Variants in DMPK observed in about 807,000 individuals in gnomAD.
DMPK encodes DM1 protein kinase, also known as myotonin-protein kinase.
In DMPK, 32 loss-of-function variants were observed where a neutral mutation model predicts 70.3. That is an observed-to-expected ratio of 0.46 (90% CI 0.34 to 0.61). DMPK has a LOEUF of 0.61. Among genes scored for constraint, DMPK ranks in the 20% least tolerant of loss-of-function variants. The pLI is 0.01. For synonymous variants in DMPK, 469 were observed against 390.9 expected (o/e 1.20, Z -2.36); for missense variants, 899 against 886.0 (o/e 1.01, Z -0.19).
rs566079768 is a variant in DMPK, at chr19:45,777,946, C to G, written c.676-73G>C. 2 of 1,432,756 alleles carry G rather than the reference C, an allele frequency of 1.4e-6. No individual in the cohort carries two copies. Among genetic ancestry groups the G allele is most frequent in the African/African-American group, 2.8e-5 (2 of 70,946 alleles). 88.8% of individuals were successfully genotyped at this position (1,432,756 alleles called of 1,614,324 possible). A position where few individuals can be genotyped will look rare whatever the true frequency, so the allele number is the denominator to read the frequency against. ...CACCAGCTCTGGGCCCTCCTTCCAACCACTCCCCAAATGCTTAGCCCCTCC... is the reference window on the plus strand; with the variant it reads ...CACCAGCTCTGGGCCCTCCTTCCAAGCACTCCCCAAATGCTTAGCCCCTCC... On this transcript the variant is annotated intron_variant, in intron 6 of 14. Transcript: ENST00000291270. This position sits in a 1 kb window ranked among gnomAD's most constrained non-coding sequence, Gnocchi z 6.7.
chr19:45,771,251 T>C (rs755826884), intron 13 of DMPK, 99 bp downstream of exon 13: 6 of 1,476,860 alleles, frequency 4.1e-6, no homozygotes, highest in Non-Finnish European at 5.5e-6. Flanking sequence ...CGCAAAGACG[T>C]AGGGTGAGCC....
At chr19:45,770,684 T>C in intron 14 of DMPK, 44 bp from the exon 15 acceptor site, 1 of 1,541,546 alleles carries the variant, frequency 6.5e-7, no homozygotes, top group Non-Finnish European at 8.8e-7. Context: ...GGGCCTCTGA[T>C]TGGCTCCTGG....
chr19:45,782,300 C>CCCGGGTCCAACACCAGCTGCTGGAGCCG lies in DMPK; in HGVS notation c.25_52dup (p.Gly18AlafsTer54), dbSNP rs1205845509. On this transcript the variant is annotated frameshift_variant, in exon 1 of 15. Transcript: ENST00000291270. LOFTEE classifies it high-confidence loss of function. The stretch of plus-strand genomic sequence containing the variant: ...GAGCAGGGGCTCCAGCCCCAGGAAG[C>CCCGGGTCCAACACCAGCTGCTGGAGCCG]CCGGGTCCAACACCAGCTGCTGGAG... 1 of 1,594,616 alleles carries CCCGGGTCCAACACCAGCTGCTGGAGCCG rather than the reference C, an allele frequency of 6.3e-7. No homozygotes were observed. The highest frequency in any genetic ancestry group is 1.3e-5 in the African/African-American group (1 of 74,654).
In DMPK at chr19:45,769,917, T is replaced by C. The variant is rs1969223346; in HGVS notation, c.*571A>G. 7.0e-6 allele frequency: 2 copies of C among 284,690 alleles called. No individual in the cohort carries two copies. Among genetic ancestry groups the C allele is most frequent in the Non-Finnish European group, 1.4e-5 (2 of 146,334 alleles). 17.6% of individuals were successfully genotyped at this position (284,690 alleles called of 1,614,324 possible). A position where few individuals can be genotyped will look rare whatever the true frequency, so the allele number is the denominator to read the frequency against. On this transcript the variant is annotated 3_prime_UTR_variant, in exon 15 of 15. Transcript: ENST00000291270. ...AACCGCCGAAGCGGGCGGAGCCGGCTGGGGCTCCGAGAGCAGCGCAAGTGA... is the reference window on the plus strand; with the variant it reads ...AACCGCCGAAGCGGGCGGAGCCGGCCGGGGCTCCGAGAGCAGCGCAAGTGA...
Position 45,771,851 on chromosome 19 carries a change from G to GA in DMPK, c.1421_1422insT (p.Leu475ProfsTer108). The GA allele has an allele frequency of 6.3e-7, 1 of 1,578,606 alleles. No homozygotes were observed. Among genetic ancestry groups the GA allele is most frequent in the South Asian group, 1.2e-5 (1 of 86,514 alleles). ...GCCGGGTGAGCACCTCCTCCTCCAGGGCTTCCTGGAGCTCCCGCAGCGTCA... is the reference window on the plus strand; with the variant it reads ...GCCGGGTGAGCACCTCCTCCTCCAGGAGCTTCCTGGAGCTCCCGCAGCGTCA... On this transcript the variant is annotated frameshift_variant, in exon 11 of 15. Coordinates refer to ENST00000291270, the MANE Select transcript of DMPK (RefSeq NM_004409.5). LOFTEE classifies it high-confidence loss of function.
At position 45,778,156 on chromosome 19, in the gene DMPK, A is replaced by C. The variant is rs780433829; in HGVS notation, c.646T>G (p.Ser216Ala). 4.3e-6 allele frequency: 7 copies of C among 1,613,318 alleles called. No homozygotes were observed. The East Asian group carries it at 1.1e-4, about 26-fold the overall frequency. Residue 216 changes from serine (S) to alanine (A), a missense_variant, in exon 6 of 15, where the codon TCT (serine) becomes GCT (alanine). By Grantham distance (99) the Ser-to-Ala change is moderately conservative. This residue lies in a region of DMPK where 195 missense variants were observed against 259.7 expected (regional missense o/e 0.75). Coordinates refer to ENST00000291270, the MANE Select transcript of DMPK (RefSeq NM_004409.5). ...CCATCTGCCCGCAGCTTGAGGCAAG[A>C]GCCGAAGTCGGCCAGGCGGATGTGG... ...CGHIRLADFG[S>A]CLKLRADGTV...
At chr19:45,782,073 G>T in intron 1 of DMPK, 120 bp downstream of exon 1, 1 of 941,256 alleles carries the variant, frequency 1.1e-6, no homozygotes, top group Non-Finnish European at 1.5e-6. Flanking sequence ...CCCAGGATGG[G>T]AGGATCTCCC....
intron 8 of DMPK, chr19:45,776,955 G>A: frequency 4.7e-6 from 1 of 212,972 alleles, no homozygotes; most frequent in South Asian, 1.2e-4. Context: ...GTTACACGGT[G>A]AAGAGAGACG....
At chr19:45,778,726 C>A in intron 4 of DMPK, 85 bp from the exon 5 acceptor site, 1 of 1,424,092 alleles carries the variant, frequency 7.0e-7, no homozygotes, top group Non-Finnish European at 9.6e-7. Context: ...CTCCCAGAGA[C>A]ACCCCATCCT....
chr19:45,777,133 A>C lies in DMPK; in HGVS notation c.1146+194T>G. The C allele has an allele frequency of 2.6e-6, 2 of 758,408 alleles. No individual in the cohort carries two copies. Among genetic ancestry groups the C allele is most frequent in the Non-Finnish European group, 4.0e-6 (2 of 494,844 alleles). 47.0% of individuals were successfully genotyped at this position (758,408 alleles called of 1,614,324 possible). The stretch of plus-strand genomic sequence containing the variant: ...ATCACTCTGGGGCCTTACTGTCTGA[A>C]GACTGCTCTGTGTTCCCCCACTGGA... On this transcript the variant is annotated intron_variant, in intron 8 of 14. Transcript: ENST00000291270. This position sits in a 1 kb window ranked among gnomAD's most constrained non-coding sequence, Gnocchi z 6.7.
At chr19:45,772,297 A>C in intron 10 of DMPK, 1 of 351,826 alleles carries the variant, frequency 2.8e-6, no homozygotes, top group Non-Finnish European at 5.1e-6. Context: ...CAGCCAAACT[A>C]CCTTTCAGGA....
intron 1 of DMPK, among the ~76,000 whole-genome samples, chr19:45,781,977 G>A (rs894897457): frequency 6.6e-6 from 1 of 152,138 alleles, no homozygotes; most frequent in African/African-American, 2.4e-5. Flanking sequence ...AGCCACCCTA[G>A]CCTCTGCTGA....
At chr19:45,779,162 C>T (rs984433618) in intron 4 of DMPK, 102 bp downstream of exon 4, 12 of 1,224,322 alleles carry the variant, frequency 9.8e-6, no homozygotes, top group African/African-American at 3.0e-5. Context: ...CAGACGTTTC[C>T]GGGCAGCACC....
At position 45,769,728 on chromosome 19, in the gene DMPK, G is replaced by A. The variant is rs555903266; in HGVS notation, c.*760C>T. ...GTGGAGTCCAGAGCTTTGGGCAGATGGAGGGCCTTTTATTCGCGAGGGTCG... is the reference window on the plus strand; with the variant it reads ...GTGGAGTCCAGAGCTTTGGGCAGATAGAGGGCCTTTTATTCGCGAGGGTCG... On this transcript the variant is annotated 3_prime_UTR_variant, in exon 15 of 15. Coordinates refer to ENST00000291270, the MANE Select transcript of DMPK (RefSeq NM_004409.5). 160 of 170,876 alleles carry A rather than the reference G, an allele frequency of 9.4e-4. 1 individual carries two copies. The highest frequency in any genetic ancestry group is 3.5e-3 in the African/African-American group (143 of 41,126). 10.6% of individuals were successfully genotyped at this position (170,876 alleles called of 1,614,324 possible).
chr19:45,771,532 C>T (rs764094650), intron 12 of DMPK, 36 bp downstream of exon 12: 2 of 1,613,194 alleles, frequency 1.2e-6, no homozygotes, highest in Non-Finnish European at 8.5e-7. Context: ...CACCTCCTCC[C>T]GGTCCTCCGG....
Position 45,769,765 on chromosome 19 carries a change from C to T in DMPK, c.*723G>A, listed in dbSNP as rs1263398039. 2 of 177,560 alleles carry T rather than the reference C, an allele frequency of 1.1e-5. No homozygotes were observed. Among genetic ancestry groups the T allele is most frequent in the African/African-American group, 4.8e-5 (2 of 41,700 alleles). The allele number at this position is 177,560 out of a possible 1,614,324, so 11.0% of individuals were successfully genotyped here. A position where few individuals can be genotyped will look rare whatever the true frequency, so the allele number is the denominator to read the frequency against. The stretch of plus-strand genomic sequence containing the variant: ...ATTCGCGAGGGTCGGGGGTGGGGGT[C>T]CTAGGTGGGGACAGACAATAAATAC... On this transcript the variant is annotated 3_prime_UTR_variant, in exon 15 of 15. Transcript: ENST00000291270.
chr19:45,771,155 T>G, intron 13 of DMPK, 95 bp from the exon 14 acceptor site: 1 of 1,202,324 alleles, frequency 8.3e-7, no homozygotes, highest in Non-Finnish European at 1.2e-6. Context: ...TTGGGGAGGT[T>G]ATCTAGGGAG....
chr19:45,771,168 C>A (rs1481801752), intron 13 of DMPK, 108 bp from the exon 14 acceptor site: 4 of 1,175,794 alleles, frequency 3.4e-6, no homozygotes, highest in Non-Finnish European at 2.4e-6. Flanking sequence ...CTAGGGAGAT[C>A]CCGGAGGGAA....
intron 9 of DMPK, 115 bp from the exon 10 acceptor site, chr19:45,772,867 G>A (rs1182938684): frequency 5.6e-6 from 3 of 539,500 alleles, no homozygotes; most frequent in Admixed American, 4.4e-5. Flanking sequence ...CTGATTTGAG[G>A]AAGGGGAGCA....
Sources: allele counts gnomAD v4.1 joint callset (sites outside exome capture counted in the v4.1 genomes callset), GRCh38; gene constraint gnomAD v4.1.1; regional missense constraint gnomAD v4.1.1; non-coding constraint Gnocchi (gnomAD v3.1); transcripts MANE v1.5; gene names NCBI Gene and HGNC (gene_info 2026-07-23, HGNC 2026-07-21).